The following CELSR2 variants were observed in gnomAD, a reference collection of about 807,000 sequenced individuals.
The protein encoded by CELSR2 is cadherin EGF LAG seven-pass G-type receptor 2, also known as EGF-like protein 2.
In CELSR2, 81 loss-of-function variants were observed where a neutral mutation model predicts 251.6. The ratio of observed to expected loss-of-function variants is 0.32; its 90% CI spans 0.27 to 0.39. The LOEUF (loss-of-function observed/expected upper bound fraction) is 0.39. CELSR2 is among the 10% of genes least tolerant of loss of function. The probability of loss-of-function intolerance (pLI) is 1.00; values close to 1 mark genes in which losing one functional copy is unlikely to be tolerated. For synonymous variants in CELSR2, 1,721 were observed against 1,670.5 expected (o/e 1.03, Z -0.74); for missense variants, 3,365 against 3,947.7 (o/e 0.85, Z 3.96).
intron 2 of CELSR2, among the ~76,000 whole-genome samples, chr1:109,260,723 A>C (rs1011373813): frequency 1.3e-5 from 2 of 152,094 alleles, no homozygotes; most frequent in African/African-American, 2.4e-5. Flanking sequence ...CCTTACAACC[A>C]AGTGTCCCAG....
chr1:109,267,663 C>G, intron 16 of CELSR2, 21 bp downstream of exon 16: 1 of 1,613,284 alleles, frequency 6.2e-7, no homozygotes, highest in Non-Finnish European at 8.5e-7. Flanking sequence ...CCCCTCATCT[C>G]CATCTTTTCC....
At chr1:109,268,858 C>T in intron 18 of CELSR2, 22 bp from the exon 19 acceptor site, 3 of 1,593,706 alleles carry the variant, frequency 1.9e-6, no homozygotes, top group South Asian at 1.1e-5. Context: ...CAGGTCCGAT[C>T]TGTGACCATC....
rs556352227 is a variant in CELSR2 at position 109,261,733 on chromosome 1, C to T, written c.4298-75C>T. ...CTATCAGCCAAATCTGGGCCCAGCC[C>T]CAGCCACTGGCACCCCAAACCCTGC... is the stretch of plus-strand genomic sequence containing the variant. On this transcript the variant is annotated intron_variant, in intron 4 of 33. Coordinates refer to ENST00000271332, the MANE Select transcript of CELSR2 (RefSeq NM_001408.3). This position sits in a 1 kb window ranked among gnomAD's most constrained non-coding sequence, Gnocchi z 4.8. 211 of 1,549,254 alleles carry T rather than the reference C, an allele frequency of 1.4e-4. No homozygotes were observed. In the African/African-American group the frequency reaches 2.7e-3, roughly 20 times the overall value.
Position 109,273,192 on chromosome 1 carries a change from C to A in CELSR2, c.8365C>A (p.Pro2789Thr), listed in dbSNP as rs749317331. 6.2e-7 allele frequency: 1 copy of A among 1,613,518 alleles called. No individual in the cohort carries two copies. Among genetic ancestry groups the A allele is most frequent in the South Asian group, 1.1e-5 (1 of 91,040 alleles). Residue 2789 changes from proline (P) to threonine (T), a missense_variant, in exon 32 of 34, where the codon CCC becomes ACC. Transcript: ENST00000271332. ...KDGGPGPGKA[P>T]WPGDFGTTAK... The stretch of plus-strand genomic sequence containing the variant: ...TGGGGGCCCAGGGCCTGGCAAGGCC[C>A]CCTGGCCAGGAGACTTTGGGACCAC...
At position 109,253,098 on chromosome 1, in the gene CELSR2, G is replaced by C; in HGVS notation, c.3019G>C (p.Ala1007Pro). 6.2e-7 allele frequency: 1 copy of C among 1,613,796 alleles called. No homozygotes were observed. ...QATSAPLVSR[A>P]TVHVRLLDRN... ...CACGTCAGCTCCTCTGGTGAGCCGGGCTACAGTCCACGTCCGCCTCCTTGA... is the reference window on the plus strand; with the variant it reads ...CACGTCAGCTCCTCTGGTGAGCCGGCCTACAGTCCACGTCCGCCTCCTTGA... Residue 1007 changes from alanine to proline, a missense_variant, in exon 1 of 34, where the codon GCT (alanine) becomes CCT (proline). By Grantham distance (27) the Ala-to-Pro change is conservative. This residue lies in a region of CELSR2 where 505 missense variants were observed against 660.0 expected (regional missense o/e 0.77). Coordinates refer to ENST00000271332, the MANE Select transcript of CELSR2 (RefSeq NM_001408.3).
In CELSR2 at chr1:109,261,059, A is replaced by T; in HGVS notation, c.3976A>T (p.Ser1326Cys). The T allele has an allele frequency of 6.2e-7, 1 of 1,612,514 alleles. No homozygotes were observed. Among genetic ancestry groups the T allele is most frequent in the Non-Finnish European group, 8.5e-7 (1 of 1,179,094 alleles). Residue 1326 changes from serine to cysteine, a missense_variant, in exon 3 of 34, where the codon AGT becomes TGT. Around this residue, in one of 5 missense-constraint regions of CELSR2, gnomAD observed 2,093 missense variants for 2,382.8 expected, o/e 0.88. Coordinates refer to ENST00000271332, the MANE Select transcript of CELSR2 (RefSeq NM_001408.3). This position sits in a 1 kb window ranked among gnomAD's most constrained non-coding sequence, Gnocchi z 4.8. ...DGYTGEHCEVSARSGRCTPGV... is the reference protein window; with the variant it reads ...DGYTGEHCEVCARSGRCTPGV... ...TTGTCCAGGTGAGCACTGTGAGGTG[A>T]GTGCTCGCTCAGGCCGTTGCACCCC... is the stretch of plus-strand genomic sequence containing the variant.
At position 109,274,060 on chromosome 1, in the gene CELSR2, TGGTTC is replaced by T. The variant is rs1557738889; in HGVS notation, c.*12_*16del. 1.2e-6 allele frequency: 2 copies of T among 1,614,100 alleles called. No individual in the cohort carries two copies. The highest frequency in any genetic ancestry group is 2.7e-5 in the African/African-American group (2 of 75,034). ...AACTTCCTGCATTAACCCTGGGCCG[TGGTTC>T]CTACGCCCGAGGCTCCCTTCCCTTC... On this transcript the variant is annotated 3_prime_UTR_variant, in exon 34 of 34. Transcript: ENST00000271332.
intron 2 of CELSR2, 89 bp downstream of exon 2, chr1:109,259,168 T>A: frequency 1.7e-6 from 2 of 1,171,642 alleles, no homozygotes; most frequent in Non-Finnish European, 2.3e-6. Flanking sequence ...GGCGGCTGCC[T>A]CATTCTCTTC....
chr1:109,270,180 G>C, intron 23 of CELSR2, 47 bp downstream of exon 23: 1 of 1,585,798 alleles, frequency 6.3e-7, no homozygotes, highest in East Asian at 2.2e-5. Context: ...TTCTCAGGCC[G>C]CCTCCCCAGC....
Position 109,251,775 on chromosome 1 carries a change from G to A in CELSR2, c.1696G>A (p.Ala566Thr). 6.2e-7 allele frequency: 1 copy of A among 1,614,134 alleles called. No individual in the cohort carries two copies. The highest frequency in any genetic ancestry group is 8.5e-7 in the Non-Finnish European group (1 of 1,180,030). ...TGGCACAGGCTGGATCTCTGTGGCT[G>A]CTGAACTGGACCGGGAGGAAGTTGA... ...NNGTGWISVA[A>T]ELDREEVDFY... The change falls in exon 1 of 34, where the codon GCT (alanine) becomes ACT (threonine). Residue 566 changes from alanine to threonine, a missense_variant. Around this residue, in one of 5 missense-constraint regions of CELSR2, gnomAD observed 704 missense variants for 784.1 expected, o/e 0.90. Transcript: ENST00000271332. The surrounding 1 kb of genome is among the most constrained non-coding windows in gnomAD (Gnocchi z 4.9).
chr1:109,262,196 G>T, intron 5 of CELSR2, 91 bp from the exon 6 acceptor site: 1 of 1,531,322 alleles, frequency 6.5e-7, no homozygotes, highest in South Asian at 1.2e-5. Context: ...TGGGCATGTG[G>T]GTGCACACAG....
At chr1:109,259,409 G>A (rs606007) in intron 2 of CELSR2, among the ~76,000 whole-genome samples, 21,816 of 152,194 alleles carry the variant, frequency 0.14, 2,178 homozygotes, top group African/African-American at 0.28. Context: ...TCTGGCCCTC[G>A]GTTATTTGAA....
rs557931259 is a variant in CELSR2 at position 109,257,035 on chromosome 1, C to T, written c.3311-1397C>T. 2.5e-4 allele frequency among the ~76,000 whole-genome samples: 38 copies of T among 152,322 alleles called. No homozygotes were observed. In the South Asian group the frequency reaches 7.3e-3, roughly 29 times the overall value. ...CATCCACATCTCAGTGTTTTCTGAA[C>T]ACCTACTATGTGTAAGGCATTGTAA... On this transcript the variant is annotated intron_variant, in intron 1 of 33. Transcript: ENST00000271332.
At position 109,274,245 on chromosome 1, in the gene CELSR2, C is replaced by CT. The variant is rs1325150621; in HGVS notation, c.*196_*197insT. On this transcript the variant is annotated 3_prime_UTR_variant, in exon 34 of 34. Transcript: ENST00000271332. ...CTAAGGCCATCTAGTGCCAACTCCC[C>CT]CCCCACCATTCCCCTCACTGCACTT... 3.7e-6 allele frequency: 5 copies of CT among 1,362,908 alleles called. No individual in the cohort carries two copies. Among genetic ancestry groups the CT allele is most frequent in the Non-Finnish European group, 4.9e-6 (5 of 1,026,108 alleles). The allele number at this position is 1,362,908 out of a possible 1,614,324, so 84.4% of individuals were successfully genotyped here. A position where few individuals can be genotyped will look rare whatever the true frequency, so the allele number is the denominator to read the frequency against.
Position 109,253,177 on chromosome 1 carries a change from A to G in CELSR2, c.3098A>G (p.Tyr1033Cys). The G allele has an allele frequency of 6.2e-7, 1 of 1,613,574 alleles. No individual in the cohort carries two copies. Among genetic ancestry groups the G allele is most frequent in the Non-Finnish European group, 8.5e-7 (1 of 1,180,022 alleles). Residue 1033 changes from tyrosine (Y) to cysteine (C), a missense_variant, in exon 1 of 34, where the codon TAT becomes TGT. Physicochemically the swap from Tyr to Cys is radical, Grantham distance 194. Coordinates refer to ENST00000271332, the MANE Select transcript of CELSR2 (RefSeq NM_001408.3). ...AACTTTGAGATCCTTTTCAACAACT[A>G]TGTCACCAATCGCTCAAGCAGCTTC... ...LGNFEILFNNYVTNRSSSFPG... is the reference protein window; with the variant it reads ...LGNFEILFNNCVTNRSSSFPG...
intron 11 of CELSR2, 108 bp from the exon 12 acceptor site, chr1:109,264,760 T>C (rs1239677762): frequency 1.3e-6 from 2 of 1,590,776 alleles, no homozygotes; most frequent in Non-Finnish European, 8.6e-7. Context: ...AACAAAGCCA[T>C]AGCCAGCTGA....
chr1:109,266,351 TCA>T, intron 15 of CELSR2, 145 bp downstream of exon 15: 1 of 941,226 alleles, frequency 1.1e-6, no homozygotes. Flanking sequence ...CTTCCTTGGT[TCA>T]CATTCCCCCT....
Position 109,249,863 on chromosome 1 carries a change from G to A in CELSR2, c.-217G>A, listed in dbSNP as rs1655622971. Among the ~76,000 whole-genome samples the A allele has an allele frequency of 6.7e-6, 1 of 150,174 alleles. No homozygotes were observed. The highest frequency in any genetic ancestry group is 1.5e-5 in the Non-Finnish European group (1 of 67,212). ...GCCCGCGGTGCTCAGGGTGACCCGG[G>A]AGCGGGTCTGGCTCAGGGGGCAGTG... On this transcript the variant is annotated 5_prime_UTR_variant, in exon 1 of 34. Coordinates refer to ENST00000271332, the MANE Select transcript of CELSR2 (RefSeq NM_001408.3).
chr1:109,257,649 T>G (rs1655895355), intron 1 of CELSR2, among the ~76,000 whole-genome samples: 1 of 152,136 alleles, frequency 6.6e-6, no homozygotes, highest in African/African-American at 2.4e-5. Context: ...GAGAAGAGAC[T>G]GACTCAGTGG....
Sources: allele counts gnomAD v4.1 joint callset (sites outside exome capture counted in the v4.1 genomes callset), GRCh38; gene constraint gnomAD v4.1.1; regional missense constraint gnomAD v4.1.1; non-coding constraint Gnocchi (gnomAD v3.1); transcripts MANE v1.5; gene names NCBI Gene and HGNC (gene_info 2026-07-23, HGNC 2026-07-21).